FRMD4B: variants seen among roughly 807,000 people sequenced by gnomAD.
FRMD4B encodes FERM domain containing 4B, also known as FERM domain-containing protein 4B.
Under a neutral mutation model 141.5 loss-of-function variants are expected in FRMD4B, and 74 were observed. The ratio of observed to expected loss-of-function variants is 0.52; its 90% CI spans 0.43 to 0.63. FRMD4B has a LOEUF of 0.63. FRMD4B is among the 30% of genes least tolerant of loss of function. The pLI is 0.00. For missense variants in FRMD4B, 1,366 were observed against 1,253.4 expected, an observed-to-expected ratio of 1.09 and a Z score of -1.36; for synonymous variants, 506 against 467.9, an observed-to-expected ratio of 1.08 and a Z score of -1.05.
chr3:69,287,944 A>AG (rs1700745123), intron 4 of FRMD4B, 108 bp from the exon 5 acceptor site: 1 of 605,668 alleles, frequency 1.7e-6, no homozygotes, highest in Non-Finnish European at 3.0e-6. Flanking sequence ...AACCTGAGGA[A>AG]GGTTGTGCTT....
At chr3:69,266,254 G>A (rs2093561480) in intron 5 of FRMD4B, among the ~76,000 whole-genome samples, 2 of 152,004 alleles carry the variant, frequency 1.3e-5, no homozygotes, top group African/African-American at 4.8e-5. Flanking sequence ...TAAGAACACA[G>A]GATGTGACTT....
intron 17 of FRMD4B, 139 bp downstream of exon 17, chr3:69,193,509 C>T: frequency 1.6e-6 from 1 of 613,854 alleles, no homozygotes; most frequent in Non-Finnish European, 2.8e-6. Flanking sequence ...ACTCTGTCTC[C>T]AAATAAAAAA....
intron 14 of FRMD4B, 132 bp from the exon 15 acceptor site, chr3:69,195,496 A>T: frequency 1.4e-6 from 1 of 696,086 alleles, no homozygotes; most frequent in Middle Eastern, 3.3e-4. Flanking sequence ...TTCTCAACAT[A>T]ATAAAAGGAA....
At chr3:69,470,339 A>T (rs1705865972) in intron 1 of FRMD4B, among the ~76,000 whole-genome samples, 1 of 152,154 alleles carries the variant, frequency 6.6e-6, no homozygotes, top group African/African-American at 2.4e-5. Context: ...TTTCATTCCA[A>T]ATGACTCTAT....
intron 1 of FRMD4B, among the ~76,000 whole-genome samples, chr3:69,457,014 A>C (rs1039040243): frequency 6.6e-6 from 1 of 152,212 alleles, no homozygotes; most frequent in Admixed American, 6.5e-5. Context: ...CGTTTTGTGC[A>C]GTCTAATTCA....
chr3:69,358,349 G>A (rs1305588788), intron 1 of FRMD4B, among the ~76,000 whole-genome samples: 1 of 152,146 alleles, frequency 6.6e-6, no homozygotes, highest in African/African-American at 2.4e-5. Context: ...TTTTGAACAA[G>A]GAATCCCACA....
At chr3:69,532,505 C>A (rs1242665640) in intron 1 of FRMD4B, among the ~76,000 whole-genome samples, 3 of 152,176 alleles carry the variant, frequency 2.0e-5, no homozygotes, top group African/African-American at 7.2e-5. Context: ...AGTGTCAATA[C>A]CCATTTGACA....
chr3:69,342,333 C>A (rs1559817398), intron 1 of FRMD4B, among the ~76,000 whole-genome samples: 3 of 152,166 alleles, frequency 2.0e-5, no homozygotes. Flanking sequence ...GTCAAGTGAT[C>A]TCATGTGTCC....
rs144014177 is a variant in FRMD4B at position 69,186,285 on chromosome 3, G to A, written c.1919+1485C>T. Among the ~76,000 whole-genome samples, 421 of 103,354 alleles carry A rather than the reference G, an allele frequency of 4.1e-3. 13 individuals carry two copies. In the East Asian group the frequency reaches 0.096, roughly 24 times the overall value. The allele number at this position is 103,354 out of a possible 152,430, so 67.8% of individuals were successfully genotyped here. ...TTTTGAGACAGCATCTTGCTCTGTT[G>A]CCCAGGCTGGGGTGGAGTGACATGA... On this transcript the variant is annotated intron_variant, in intron 19 of 22. Coordinates refer to ENST00000398540, the MANE Select transcript of FRMD4B (RefSeq NM_015123.3).
In FRMD4B at chr3:69,302,399, A is replaced by T. The variant is rs1701247245; in HGVS notation, c.360T>A (p.Val120=). 2 of 1,608,490 alleles carry T rather than the reference A, an allele frequency of 1.2e-6. No individual in the cohort carries two copies. Among genetic ancestry groups the T allele is most frequent in the Non-Finnish European group, 1.7e-6 (2 of 1,176,864 alleles). ...GTTTCTTGGGCAAATCGTGGTCAAG[A>T]ACTCGGTGATCTAACTGCAGCCAGT... ...QQNWLQLDHR[V]LDHDLPKKPG... is the part of the protein sequence containing the mutation. Residue 120 remains valine, a synonymous_variant, in exon 4 of 23, where the codon GTT becomes GTA. Coordinates refer to ENST00000398540, the MANE Select transcript of FRMD4B (RefSeq NM_015123.3).
At chr3:69,504,813 A>T (rs1559548145) in intron 1 of FRMD4B, among the ~76,000 whole-genome samples, 1 of 152,238 alleles carries the variant, frequency 6.6e-6, no homozygotes, top group South Asian at 2.1e-4. Flanking sequence ...TGAAAATGCT[A>T]GGTGAAAGAT....
At chr3:69,245,403 G>C (rs917551045) in intron 7 of FRMD4B, among the ~76,000 whole-genome samples, 6 of 151,166 alleles carry the variant, frequency 4.0e-5, no homozygotes, top group Admixed American at 1.3e-4. Flanking sequence ...GCAGTGGAAC[G>C]ATCTCTAGCT....
At chr3:69,267,634 TATAGAGAGAGAGAGAGAGAG>T (rs1559765508) in intron 5 of FRMD4B, among the ~76,000 whole-genome samples, 59 of 10,242 alleles carry the variant, frequency 5.8e-3, no homozygotes, top group Non-Finnish European at 0.011. Context: ...TATATATATA[TATAGAGAGAGAGAGAGAGAG>T]AGAGAGAGAG....
Position 69,189,944 on chromosome 3 carries a change from T to C in FRMD4B, c.1723A>G (p.Ile575Val). 6.3e-7 allele frequency: 1 copy of C among 1,586,784 alleles called. No individual in the cohort carries two copies. The highest frequency in any genetic ancestry group is 8.7e-7 in the Non-Finnish European group (1 of 1,155,698). Residue 575 changes from isoleucine to valine, a missense_variant, in exon 18 of 23, where the codon ATC (isoleucine) becomes GTC (valine). By Grantham distance (29) the Ile-to-Val change is conservative. Transcript: ENST00000398540. The part of the protein sequence containing the change: ...QKATVLPEDI[I>V]PSESSSLSDT... Reference sequence around the variant, plus strand: ...GACAAAGAGCTACTCTCTGAGGGGATTATGTCTTCTGTGAATAAAAATAAC... The same window carrying C: ...GACAAAGAGCTACTCTCTGAGGGGACTATGTCTTCTGTGAATAAAAATAAC...
At chr3:69,455,595 G>A (rs138331398) in intron 1 of FRMD4B, among the ~76,000 whole-genome samples, 1 of 152,112 alleles carries the variant, frequency 6.6e-6, no homozygotes. Context: ...ACAAACCCTG[G>A]ATGCACCATC....
intron 1 of FRMD4B, among the ~76,000 whole-genome samples, chr3:69,469,322 T>G (rs1705848439): frequency 1.3e-5 from 2 of 152,168 alleles, no homozygotes; most frequent in Admixed American, 1.3e-4. Flanking sequence ...TTGATTTGGT[T>G]CAACTGACTC....
In FRMD4B at chr3:69,182,584, A is replaced by C. The variant is rs755528761; in HGVS notation, c.2039+14T>G. On this transcript the variant is annotated intron_variant, in intron 20 of 22. Coordinates refer to ENST00000398540, the MANE Select transcript of FRMD4B (RefSeq NM_015123.3). The stretch of plus-strand genomic sequence containing the variant: ...ATCAAGACAGCTAAAGCAATGAGAA[A>C]GAAGCTCTCTTACTCCAAGTGGCTG... 6 of 1,591,884 alleles carry C rather than the reference A, an allele frequency of 3.8e-6. No homozygotes were observed. Among genetic ancestry groups the C allele is most frequent in the Non-Finnish European group, 5.1e-6 (6 of 1,173,194 alleles).
upstream of FRMD4B, among the ~76,000 whole-genome samples, chr3:69,390,845 A>G (rs1409353038): frequency 6.6e-6 from 1 of 151,968 alleles, no homozygotes; most frequent in African/African-American, 2.4e-5. Context: ...ATGAGCTGAG[A>G]TCACATCACT....
At chr3:69,302,312 A>T in intron 4 of FRMD4B, 31 bp downstream of exon 4, 1 of 1,049,378 alleles carries the variant, frequency 9.5e-7, no homozygotes, top group Non-Finnish European at 1.4e-6. Context: ...GCAAAAAAAG[A>T]GGGATGCTAA....
Sources: gnomAD v4.1 joint callset for allele counts (sites outside exome capture counted in the v4.1 genomes callset) on GRCh38, gnomAD v4.1.1 for gene constraint, MANE v1.5 for transcripts, NCBI Gene and HGNC (gene_info 2026-07-23, HGNC 2026-07-21) for gene names.